The following EIF3H variants were observed in gnomAD, a reference collection of about 807,000 sequenced individuals.
The protein encoded by EIF3H is eIF-3-gamma.
In EIF3H, 26 loss-of-function variants were observed where a neutral mutation model predicts 44.2. The observed-to-expected ratio is 0.59, with a 90% confidence interval of 0.43 to 0.82. The LOEUF (loss-of-function observed/expected upper bound fraction) is 0.82. EIF3H is among the 40% of genes least tolerant of loss of function. The pLI, the probability that EIF3H is intolerant of heterozygous loss-of-function variation, is 0.00. For missense variants in EIF3H, 359 were observed against 432.8 expected (o/e 0.83, Z 1.51); for synonymous variants, 166 against 151.9 (o/e 1.09, Z -0.68).
At chr8:116,763,342 T>C (rs922202810) in intron 1 of EIF3H, among the ~76,000 whole-genome samples, 1 of 152,230 alleles carries the variant, frequency 6.6e-6, no homozygotes, top group African/African-American at 2.4e-5. Flanking sequence ...AAGAGATACA[T>C]AATACATCAT....
In EIF3H at chr8:116,646,592, A is replaced by G; in HGVS notation, c.840T>C (p.Arg280=). 6.2e-7 allele frequency: 1 copy of G among 1,613,972 alleles called. No individual in the cohort carries two copies. Among genetic ancestry groups the G allele is most frequent in the South Asian group, 1.1e-5 (1 of 91,066 alleles). Residue 280 remains arginine, a synonymous_variant, in exon 7 of 8, where the codon CGT becomes CGC. Coordinates refer to ENST00000521861, the MANE Select transcript of EIF3H (RefSeq NM_003756.3). The part of the protein sequence containing the change: ...QQQQKHQYQQ[R]RQQENMQRQS... ...GGCGCTGCATATTCTCCTGCTGGCGACGCTGCTGATACTAAAATTCAAAGG... is the reference window on the plus strand; with the variant it reads ...GGCGCTGCATATTCTCCTGCTGGCGGCGCTGCTGATACTAAAATTCAAAGG...
chr8:116,664,630 G>A (rs1813637949), intron 2 of EIF3H, among the ~76,000 whole-genome samples: 1 of 152,236 alleles, frequency 6.6e-6, no homozygotes, highest in Non-Finnish European at 1.5e-5. Flanking sequence ...AGGCTGGGAT[G>A]AGGAGAAAGT....
intron 1 of EIF3H, among the ~76,000 whole-genome samples, chr8:116,752,735 G>GAAGGGAA (rs1815372285): frequency 5.7e-5 from 4 of 70,788 alleles, no homozygotes; most frequent in Non-Finnish European, 1.1e-4. Flanking sequence ...AAAGAAAGAA[G>GAAGGGAA]AGAAAGAAAG....
intron 1 of EIF3H, among the ~76,000 whole-genome samples, chr8:116,763,858 C>T (rs906664893): frequency 3.9e-5 from 6 of 152,016 alleles, no homozygotes; most frequent in African/African-American, 1.4e-4. Flanking sequence ...AACAAAGTAA[C>T]CTTTATGAAT....
chr8:116,758,972 A>G (rs1815487588), upstream of EIF3H, among the ~76,000 whole-genome samples: 1 of 152,246 alleles, frequency 6.6e-6, no homozygotes, highest in Non-Finnish European at 1.5e-5. Context: ...ACAAAAAAGA[A>G]CAAAATAAAC....
Position 116,752,770 on chromosome 8 carries a change from AGGG to A in EIF3H, c.132+2893_132+2895del, listed in dbSNP as rs1563663146. Among the ~76,000 whole-genome samples, 22 of 37,894 alleles carry A rather than the reference AGGG, an allele frequency of 5.8e-4. 2 individuals are homozygous for A. The highest frequency in any genetic ancestry group is 1.2e-3 in the African/African-American group (13 of 11,076). The allele number at this position is 37,894 out of a possible 152,430, so 24.9% of individuals were successfully genotyped here. ...GAAAGAAAGAGGGAGGGAGGGAGGG[AGGG>A]AGGGAGGGAGGGAGGGAGGGAGGGA... On this transcript the variant is annotated intron_variant, in intron 1 of 7. Transcript: ENST00000521861.
At chr8:116,764,330 T>C (rs1430799682) in intron 1 of EIF3H, among the ~76,000 whole-genome samples, 1 of 152,254 alleles carries the variant, frequency 6.6e-6, no homozygotes, top group African/African-American at 2.4e-5. Context: ...CACTCAATAA[T>C]GGCAGTATTT....
rs191274600 is a variant in EIF3H at position 116,657,209 on chromosome 8, A to T, written c.557+6T>A. 1.2e-6 allele frequency: 2 copies of T among 1,607,820 alleles called. No individual in the cohort carries two copies. Among genetic ancestry groups the T allele is most frequent in the East Asian group, 4.5e-5 (2 of 44,816 alleles). ...AACCCTTTACCAGATGCCCCCAAACACTTACGCTTCAGGGGAAAAATCCTT... is the reference window on the plus strand; with the variant it reads ...AACCCTTTACCAGATGCCCCCAAACTCTTACGCTTCAGGGGAAAAATCCTT... On this transcript the variant is annotated splice_donor_region_variant and intron_variant, in intron 4 of 7. Coordinates refer to ENST00000521861, the MANE Select transcript of EIF3H (RefSeq NM_003756.3).
intron 2 of EIF3H, among the ~76,000 whole-genome samples, chr8:116,704,513 T>C (rs916486446): frequency 2.0e-5 from 3 of 152,236 alleles, no homozygotes; most frequent in Non-Finnish European, 2.9e-5. Flanking sequence ...GAAAAATTTC[T>C]TGTTGCTGTG....
chr8:116,686,969 C>A (rs1446531486), intron 2 of EIF3H, among the ~76,000 whole-genome samples: 13 of 152,102 alleles, frequency 8.5e-5, no homozygotes, highest in Admixed American at 8.5e-4. Context: ...CAAAGGGCCA[C>A]AGGCCAGGGA....
At chr8:116,664,671 C>T (rs113921604) in intron 2 of EIF3H, among the ~76,000 whole-genome samples, 3 of 151,998 alleles carry the variant, frequency 2.0e-5, no homozygotes, top group East Asian at 1.9e-4. Flanking sequence ...TATTCAAACT[C>T]GAAAACTCAA....
intron 2 of EIF3H, among the ~76,000 whole-genome samples, chr8:116,679,423 C>T (rs1586451061): frequency 5.0e-5 from 3 of 59,548 alleles, no homozygotes; most frequent in Non-Finnish European, 5.2e-5. Flanking sequence ...GGATCAGCCC[C>T]CCGCCTGGCC....
intron 1 of EIF3H, among the ~76,000 whole-genome samples, chr8:116,731,170 T>C (rs1467848543): frequency 6.6e-6 from 1 of 152,202 alleles, no homozygotes; most frequent in African/African-American, 2.4e-5. Context: ...ACATATACAC[T>C]CAGGAGCCCT....
intron 1 of EIF3H, among the ~76,000 whole-genome samples, chr8:116,726,511 G>C (rs1183004415): frequency 6.6e-6 from 1 of 152,118 alleles, no homozygotes; most frequent in East Asian, 1.9e-4. Flanking sequence ...GGCTATTATT[G>C]AGAAAGTGAT....
Position 116,643,301 on chromosome 8 carries a change from T to G in EIF3H, c.*1705A>C, listed in dbSNP as rs1403487069. On this transcript the variant is annotated 3_prime_UTR_variant, in exon 8 of 8. Coordinates refer to ENST00000521861, the MANE Select transcript of EIF3H (RefSeq NM_003756.3). Reference sequence around the variant, plus strand: ...AACAGCAGAAACTTTTGAAGGCAATTTGGCAATACAGGTAAAAGGGCTGAC... The same window carrying G: ...AACAGCAGAAACTTTTGAAGGCAATGTGGCAATACAGGTAAAAGGGCTGAC... 1.3e-5 allele frequency: 2 copies of G among 152,220 alleles called. No homozygotes were observed. The highest frequency in any genetic ancestry group is 2.9e-5 in the Non-Finnish European group (2 of 68,040). The allele number at this position is 152,220 out of a possible 1,614,324, so 9.4% of individuals were successfully genotyped here. A position where few individuals can be genotyped will look rare whatever the true frequency, so the allele number is the denominator to read the frequency against.
At chr8:116,696,250 T>C (rs1439234340) in intron 2 of EIF3H, among the ~76,000 whole-genome samples, 2 of 152,172 alleles carry the variant, frequency 1.3e-5, no homozygotes, top group Non-Finnish European at 2.9e-5. Context: ...AAATAATTGA[T>C]GGAAACATTG....
At chr8:116,667,749 C>T (rs944856317) in intron 2 of EIF3H, among the ~76,000 whole-genome samples, 3 of 152,220 alleles carry the variant, frequency 2.0e-5, no homozygotes, top group Admixed American at 6.5e-5. Context: ...TTACTGGGCA[C>T]TGCTTGCACT....
chr8:116,747,236 T>C (rs933292382), intron 1 of EIF3H, among the ~76,000 whole-genome samples: 1 of 152,136 alleles, frequency 6.6e-6, no homozygotes, highest in Admixed American at 6.5e-5. Flanking sequence ...CTAATTTCTT[T>C]TGTATTTTTA....
At chr8:116,749,896 AG>A (rs1436388343) in intron 1 of EIF3H, among the ~76,000 whole-genome samples, 1 of 152,302 alleles carries the variant, frequency 6.6e-6, no homozygotes, top group East Asian at 1.9e-4. Context: ...GTGATGAAAC[AG>A]GTCTAAAGGT....
Sources: allele counts gnomAD v4.1 joint callset (sites outside exome capture counted in the v4.1 genomes callset), GRCh38; gene constraint gnomAD v4.1.1; transcripts MANE v1.5; gene names NCBI Gene and HGNC (gene_info 2026-07-23, HGNC 2026-07-21).